Variants in ROBO2 observed in about 807,000 individuals in gnomAD.
ROBO2 encodes the protein roundabout guidance receptor 2, also known as roundabout homolog 2.
In ROBO2, 53 loss-of-function variants were observed where a neutral mutation model predicts 160.8. That is an observed-to-expected ratio of 0.33 (90% CI 0.26 to 0.41). ROBO2 has a LOEUF of 0.41. Among genes scored for constraint, ROBO2 ranks in the 10% least tolerant of loss-of-function variants. ROBO2 has a pLI of 1.00. For missense variants in ROBO2, 1,577 were observed against 1,722.4 expected (o/e 0.92, Z 1.49); for synonymous variants, 664 against 611.7 (o/e 1.09, Z -1.26).
At chr3:76,422,508 G>A (rs1213901820) in intron 2 of ROBO2, among the ~76,000 whole-genome samples, 6 of 152,168 alleles carry the variant, frequency 3.9e-5, no homozygotes, top group South Asian at 2.1e-4. Flanking sequence ...AACTACTTGC[G>A]TGTTTGATCT....
Position 75,935,996 on chromosome 3 carries a change from A to C in ROBO2, c.-13-1485A>C, listed in dbSNP as rs530398908. Among the ~76,000 whole-genome samples the C allele has an allele frequency of 9.3e-3, 1,415 of 152,330 alleles. 17 individuals carry two copies. Among genetic ancestry groups the C allele is most frequent in the African/African-American group, 0.033 (1,365 of 41,570 alleles). On this transcript the variant is annotated intron_variant, in intron 1 of 26. Coordinates refer to the ROBO2 transcript ENST00000487694. ...TTCATAGGATTTCTGTGAAAACTAAATTGGGTAAAGAATGTAAGGCATTTA... is the reference window on the plus strand; with the variant it reads ...TTCATAGGATTTCTGTGAAAACTAACTTGGGTAAAGAATGTAAGGCATTTA...
chr3:76,480,099 T>A (rs554775957), intron 2 of ROBO2, among the ~76,000 whole-genome samples: 1 of 152,034 alleles, frequency 6.6e-6, no homozygotes, highest in African/African-American at 2.4e-5. Context: ...GAGGAGGCAA[T>A]GAGGTATCAG....
At chr3:76,657,115 G>T (rs191356602) in intron 2 of ROBO2, among the ~76,000 whole-genome samples, 427 of 150,684 alleles carry the variant, frequency 2.8e-3, no homozygotes, top group African/African-American at 0.01. Flanking sequence ...CTTTCTTTTT[G>T]ATTTTTTTCA....
intron 2 of ROBO2, among the ~76,000 whole-genome samples, chr3:76,025,641 C>T (rs2066717317): frequency 6.6e-6 from 1 of 151,704 alleles, no homozygotes; most frequent in Non-Finnish European, 1.5e-5. Context: ...ACTCTAAAAA[C>T]ATCATGGAAT....
At chr3:75,932,906 AAAAT>A (rs1254386699) in intron 1 of ROBO2, among the ~76,000 whole-genome samples, 10 of 152,184 alleles carry the variant, frequency 6.6e-5, no homozygotes, top group Admixed American at 5.9e-4. Context: ...ATTAAAAAAT[AAAAT>A]AAATAATTTT....
At chr3:76,192,524 C>CCACACACACACACACACACA (rs3039244) in intron 2 of ROBO2, among the ~76,000 whole-genome samples, 1 of 130,084 alleles carries the variant, frequency 7.7e-6, no homozygotes, top group African/African-American at 2.9e-5. Flanking sequence ...CAACACTCCA[C>CCACACACACACACACACACA]CACACACACA....
intron 2 of ROBO2, among the ~76,000 whole-genome samples, chr3:76,438,888 C>A (rs2076801213): frequency 2.0e-5 from 3 of 150,966 alleles, no homozygotes; most frequent in African/African-American, 7.3e-5. Context: ...GCCCTGAATT[C>A]AAGGCATAAA....
intron 2 of ROBO2, among the ~76,000 whole-genome samples, chr3:76,562,669 G>A (rs1326992678): frequency 6.6e-6 from 1 of 152,094 alleles, no homozygotes; most frequent in Non-Finnish European, 1.5e-5. Context: ...GCAGACTATA[G>A]TTTCTGCCAT....
In ROBO2 at chr3:77,425,632, A is replaced by G. The variant is rs190286936; in HGVS notation, c.389-51782A>G. On this transcript the variant is annotated intron_variant, in intron 2 of 25. Coordinates refer to ENST00000461745, the Ensembl canonical transcript of ROBO2. ...TGATCAGGAATAGTCAGGTCATGCA[A>G]AGATGTGCAGACCATGCTAACGACT... is the stretch of plus-strand genomic sequence containing the variant. Among the ~76,000 whole-genome samples the G allele has an allele frequency of 1.9e-4, 29 of 151,766 alleles. 1 individual carries two copies. The highest frequency in any genetic ancestry group is 6.6e-4 in the Admixed American group (10 of 15,228).
intron 2 of ROBO2, among the ~76,000 whole-genome samples, chr3:76,117,491 T>C (rs551111047): frequency 2.6e-5 from 4 of 152,150 alleles, no homozygotes; most frequent in Non-Finnish European, 5.9e-5. Context: ...AATGTCTCTG[T>C]GTATGTCAAT....
intron 2 of ROBO2, among the ~76,000 whole-genome samples, chr3:76,256,317 C>A (rs1171992556): frequency 3.4e-4 from 29 of 85,804 alleles, no homozygotes; most frequent in Middle Eastern, 6.3e-3. Flanking sequence ...CTCTCTCTCT[C>A]TCTCTCTCTC....
chr3:76,491,025 T>A (rs886102122), intron 2 of ROBO2, among the ~76,000 whole-genome samples: 3 of 151,894 alleles, frequency 2.0e-5, no homozygotes, highest in African/African-American at 7.3e-5. Context: ...AGTGGTGCGA[T>A]CTTGGCTTAC....
chr3:76,713,084 T>C (rs2093325805), intron 2 of ROBO2, among the ~76,000 whole-genome samples: 2 of 152,190 alleles, frequency 1.3e-5, no homozygotes, highest in African/African-American at 4.8e-5. Context: ...TTTTCCAAAA[T>C]TGCCTGATTT....
chr3:76,909,288 T>C lies in ROBO2; in HGVS notation c.110-188726T>C, dbSNP rs17819406. 5.1e-3 allele frequency among the ~76,000 whole-genome samples: 782 copies of C among 152,262 alleles called. 5 individuals are homozygous for C. Among genetic ancestry groups the C allele is most frequent in the South Asian group, 0.024 (114 of 4,828 alleles). On this transcript the variant is annotated intron_variant, in intron 2 of 26. Coordinates refer to the ROBO2 transcript ENST00000487694. ...TCAAACAGATAGAAATAAACCAAAA[T>C]AGGATCTTCACTCATTAAAACACAC...
intron 2 of ROBO2, among the ~76,000 whole-genome samples, chr3:77,428,536 T>G (rs2153539337): frequency 6.7e-6 from 1 of 150,334 alleles, no homozygotes; most frequent in Non-Finnish European, 1.5e-5. Context: ...TTTTGTATTT[T>G]TAGTAGAGAC....
At chr3:77,493,373 C>T in exon 5 of ROBO2, 1 of 1,613,732 alleles carries the variant, frequency 6.2e-7, no homozygotes, top group Middle Eastern at 1.7e-4. Flanking sequence ...GCAGACTTGC[C>T]AAGAGGAAGG....
At chr3:77,123,287 T>G (rs2074967727) in intron 2 of ROBO2, among the ~76,000 whole-genome samples, 1 of 152,164 alleles carries the variant, frequency 6.6e-6, no homozygotes, top group South Asian at 2.1e-4. Context: ...AACCAGACCT[T>G]ATCACCCAGG....
intron 2 of ROBO2, among the ~76,000 whole-genome samples, chr3:77,146,226 C>T (rs766214972): frequency 6.6e-6 from 1 of 152,160 alleles, no homozygotes; most frequent in Non-Finnish European, 1.5e-5. Flanking sequence ...CTGCTCCCAG[C>T]ACCTGTTTGC....
intron 2 of ROBO2, among the ~76,000 whole-genome samples, chr3:77,361,921 C>T (rs2070068103): frequency 6.6e-6 from 1 of 152,120 alleles, no homozygotes; most frequent in Non-Finnish European, 1.5e-5. Flanking sequence ...CAAATGTTCA[C>T]CGAATGCCTA....
Sources: gnomAD v4.1 joint callset for allele counts (sites outside exome capture counted in the v4.1 genomes callset) on GRCh38, gnomAD v4.1.1 for gene constraint, MANE v1.5 for transcripts, NCBI Gene and HGNC (gene_info 2026-07-23, HGNC 2026-07-21) for gene names.